The following BCL2 variants were observed in gnomAD, a reference collection of about 807,000 sequenced individuals.
BCL2 encodes BCL2 apoptosis regulator, also known as apoptosis regulator Bcl-2.
A neutral mutation model predicts 14.2 loss-of-function variants in BCL2; 1 was observed. The observed-to-expected ratio is 0.07, with a 90% CI of 0.02 to 0.33. The LOEUF (loss-of-function observed/expected upper bound fraction) is 0.33. BCL2 is among the 10% of genes least tolerant of loss of function. The pLI is 0.99. For missense variants in BCL2, 247 were observed against 305.9 expected (o/e 0.81, Z 1.44); for synonymous variants, 151 against 137.2 (o/e 1.10, Z -0.70).
intron 2 of BCL2, among the ~76,000 whole-genome samples, chr18:63,279,625 G>A (rs755123371): frequency 2.6e-5 from 4 of 152,092 alleles, no homozygotes; most frequent in Non-Finnish European, 4.4e-5. Context: ...TATGCACAAG[G>A]CACCAAAGAA....
At chr18:63,241,754 T>C (rs2144193182) in intron 2 of BCL2, among the ~76,000 whole-genome samples, 1 of 152,306 alleles carries the variant, frequency 6.6e-6, no homozygotes, top group South Asian at 2.1e-4. Context: ...CAAGAGTAAC[T>C]ACGAGAATCT....
At chr18:63,231,625 T>C (rs1370615367) in intron 2 of BCL2, among the ~76,000 whole-genome samples, 1 of 151,846 alleles carries the variant, frequency 6.6e-6, no homozygotes, top group Non-Finnish European at 1.5e-5. Context: ...TACCTAGGAA[T>C]AAATCTAAAG....
intron 2 of BCL2, among the ~76,000 whole-genome samples, chr18:63,283,590 C>T (rs567842448): frequency 6.6e-6 from 1 of 152,318 alleles, no homozygotes; most frequent in Admixed American, 6.5e-5. Flanking sequence ...AATCACTGAA[C>T]AAAATCAGCC....
At chr18:63,292,018 C>A (rs1270351526) in intron 2 of BCL2, among the ~76,000 whole-genome samples, 2 of 151,972 alleles carry the variant, frequency 1.3e-5, no homozygotes, top group Non-Finnish European at 2.9e-5. Context: ...GAGAAAGGGC[C>A]AGTGATGTGG....
chr18:63,128,539 T>C lies in BCL2; in HGVS notation c.*86A>G. ...TTTTCTTAAACAGCCTGCAGCTTTG[T>C]TTCATGGTACATCACTGACAATGCA... is the stretch of plus-strand genomic sequence containing the variant. On this transcript the variant is annotated 3_prime_UTR_variant, in exon 3 of 3. Transcript: ENST00000333681. 6.9e-6 allele frequency: 5 copies of C among 719,864 alleles called. No homozygotes were observed. Among genetic ancestry groups the C allele is most frequent in the South Asian group, 6.2e-5 (4 of 64,216 alleles). 44.6% of individuals were successfully genotyped at this position (719,864 alleles called of 1,614,324 possible). A position where few individuals can be genotyped will look rare whatever the true frequency, so the allele number is the denominator to read the frequency against.
intron 2 of BCL2, among the ~76,000 whole-genome samples, chr18:63,180,176 A>G (rs1915450390): frequency 6.6e-6 from 1 of 152,170 alleles, no homozygotes. Context: ...TGCCTAGCTG[A>G]TATTTTATTA....
chr18:63,193,824 T>C (rs1225330545), intron 2 of BCL2, among the ~76,000 whole-genome samples: 1 of 152,110 alleles, frequency 6.6e-6, no homozygotes, highest in Non-Finnish European at 1.5e-5. Context: ...TAGCATGGTA[T>C]TGAAAAGACT....
At chr18:63,192,842 C>A (rs186940671) in intron 2 of BCL2, among the ~76,000 whole-genome samples, 1 of 152,336 alleles carries the variant, frequency 6.6e-6, no homozygotes, top group Non-Finnish European at 1.5e-5. Flanking sequence ...GTTTTGTCCC[C>A]AAGCACTGAC....
intron 2 of BCL2, among the ~76,000 whole-genome samples, chr18:63,212,337 A>T (rs547390888): frequency 1.2e-3 from 180 of 150,764 alleles, no homozygotes; most frequent in African/African-American, 3.9e-3. Context: ...CAAACAAACA[A>T]ACAAACAACA....
chr18:63,218,667 CAG>C (rs1568237436), intron 2 of BCL2, among the ~76,000 whole-genome samples: 7 of 65,358 alleles, frequency 1.1e-4, no homozygotes, highest in African/African-American at 1.1e-4. Flanking sequence ...CCCCATCCTC[CAG>C]TCATCCCCAT....
intron 2 of BCL2, among the ~76,000 whole-genome samples, chr18:63,237,804 A>G (rs1345943397): frequency 6.6e-6 from 1 of 152,280 alleles, no homozygotes; most frequent in Non-Finnish European, 1.5e-5. Context: ...ATGGAAACAG[A>G]GAATTAGCTG....
intron 2 of BCL2, among the ~76,000 whole-genome samples, chr18:63,258,061 T>C (rs1362701401): frequency 6.6e-6 from 1 of 152,168 alleles, no homozygotes; most frequent in Admixed American, 6.5e-5. Context: ...TCTAACCCAA[T>C]AGGACTGCGT....
chr18:63,295,391 C>T (rs1043992473), intron 2 of BCL2, among the ~76,000 whole-genome samples: 2 of 152,108 alleles, frequency 1.3e-5, no homozygotes, highest in African/African-American at 2.4e-5. Context: ...TTGCCATAGA[C>T]CTCAGTGCCC....
At chr18:63,287,031 C>T (rs1912493810) in intron 2 of BCL2, among the ~76,000 whole-genome samples, 1 of 152,206 alleles carries the variant, frequency 6.6e-6, no homozygotes, top group African/African-American at 2.4e-5. Flanking sequence ...CTGTCCCTCT[C>T]CAGCGTTTTG....
chr18:63,203,079 C>T (rs539464293), intron 2 of BCL2, among the ~76,000 whole-genome samples: 1 of 152,306 alleles, frequency 6.6e-6, no homozygotes, highest in East Asian at 1.9e-4. Flanking sequence ...AACAGCTTTG[C>T]TAATCAATCA....
intron 2 of BCL2, among the ~76,000 whole-genome samples, chr18:63,205,932 A>G (rs1909823924): frequency 6.6e-6 from 1 of 152,188 alleles, no homozygotes; most frequent in African/African-American, 2.4e-5. Flanking sequence ...CATTTCTAAG[A>G]AAGAGGAGAC....
intron 2 of BCL2, among the ~76,000 whole-genome samples, chr18:63,252,670 G>A (rs1189020475): frequency 3.3e-5 from 5 of 152,182 alleles, no homozygotes; most frequent in African/African-American, 9.7e-5. Context: ...TGTCTGCCAC[G>A]TGAGATGTGC....
At chr18:63,179,473 A>G (rs1314222784) in intron 2 of BCL2, among the ~76,000 whole-genome samples, 1 of 152,176 alleles carries the variant, frequency 6.6e-6, no homozygotes, top group Non-Finnish European at 1.5e-5. Context: ...GCCTGCTATA[A>G]TACACAAGAG....
intron 2 of BCL2, among the ~76,000 whole-genome samples, chr18:63,132,066 T>G (rs1599198528): frequency 6.6e-6 from 1 of 152,230 alleles, no homozygotes; most frequent in Non-Finnish European, 1.5e-5. Flanking sequence ...TGAGCTAAAC[T>G]AGCAGCTCTT....
Sources: gnomAD v4.1 joint callset for allele counts (sites outside exome capture counted in the v4.1 genomes callset) on GRCh38, gnomAD v4.1.1 for gene constraint, MANE v1.5 for transcripts, NCBI Gene and HGNC (gene_info 2026-07-23, HGNC 2026-07-21) for gene names.